Variants in AASS observed in about 807,000 individuals in gnomAD.
AASS encodes aminoadipate-semialdehyde synthase.
In AASS, 86 loss-of-function variants were observed where a neutral mutation model predicts 105.4. The ratio of observed to expected loss-of-function variants is 0.82; its 90% CI spans 0.69 to 0.98. AASS has a LOEUF of 0.98. AASS is among the 50% of genes least tolerant of loss of function. AASS has a pLI of 0.00. For synonymous variants in AASS, 381 were observed against 394.8 expected (o/e 0.96, Z 0.41); for missense variants, 1,048 against 1,143.2 (o/e 0.92, Z 1.20).
intron 3 of AASS, among the ~76,000 whole-genome samples, chr7:122,126,924 A>G (rs1450666799): frequency 2.0e-5 from 3 of 152,124 alleles, no homozygotes; most frequent in Non-Finnish European, 4.4e-5. Context: ...TGCATCATCC[A>G]TCTTTACATT....
At position 122,101,671 on chromosome 7, in the gene AASS, C is replaced by T. The variant is rs1273190060; in HGVS notation, c.1288G>A (p.Asp430Asn). The change falls in exon 12 of 24, where the codon GAC (aspartate) becomes AAC (asparagine). Residue 430 changes from aspartate (D) to asparagine (N), a missense_variant. Transcript: ENST00000417368. ...TGACTTTCAAGAGGCTGTGTCGCGT[C>T]TGATAATATCTGAAAGGAAAATGAG... ...YPYVEEMILS[D>N]ATQPLESQNF... 4 of 1,610,820 alleles carry T rather than the reference C, an allele frequency of 2.5e-6. No individual in the cohort carries two copies. The Admixed American group carries it at 6.7e-5, about 27-fold the overall frequency.
At chr7:122,111,098 A>G (rs1323126220) in intron 11 of AASS, among the ~76,000 whole-genome samples, 1 of 152,178 alleles carries the variant, frequency 6.6e-6, no homozygotes, top group African/African-American at 2.4e-5. Flanking sequence ...CCAATTCTCA[A>G]AGGAAAAGAC....
intron 4 of AASS, 98 bp from the exon 5 acceptor site, chr7:122,118,728 C>T: frequency 8.5e-7 from 1 of 1,171,238 alleles, no homozygotes; most frequent in Non-Finnish European, 1.3e-6. Flanking sequence ...CCTGCAGAAG[C>T]ACAGATCATG....
intron 18 of AASS, among the ~76,000 whole-genome samples, chr7:122,091,179 TAA>T (rs1182328948): frequency 2.6e-5 from 4 of 152,128 alleles, no homozygotes; most frequent in Admixed American, 2.6e-4. Context: ...TTTCTTATTG[TAA>T]AATAATGAAA....
chr7:122,121,010 A>G (rs1164867099), intron 4 of AASS, among the ~76,000 whole-genome samples: 1 of 152,162 alleles, frequency 6.6e-6, no homozygotes, highest in Non-Finnish European at 1.5e-5. Flanking sequence ...AACTATTGAT[A>G]TAGCTAAATT....
chr7:122,107,322 A>T (rs996589659), intron 11 of AASS, among the ~76,000 whole-genome samples: 3 of 152,188 alleles, frequency 2.0e-5, no homozygotes, highest in African/African-American at 7.2e-5. Flanking sequence ...TGTGGAAAGC[A>T]GTGTGGCAAT....
chr7:122,091,645 G>C, intron 18 of AASS, 58 bp downstream of exon 18: 1 of 1,611,796 alleles, frequency 6.2e-7, no homozygotes, highest in East Asian at 2.2e-5. Flanking sequence ...GGAGTATTTA[G>C]ACTGTCTCAG....
chr7:122,115,465 C>T (rs376500510), intron 8 of AASS, among the ~76,000 whole-genome samples: 1 of 152,034 alleles, frequency 6.6e-6, no homozygotes, highest in African/African-American at 2.4e-5. Flanking sequence ...TGTGTTCATT[C>T]TATAATGTAT....
Position 122,101,380 on chromosome 7 carries a change from C to A in AASS, c.1397G>T (p.Arg466Leu). Residue 466 changes from arginine (R) to leucine (L), a missense_variant, in exon 13 of 24, where the codon CGG becomes CTG. By Grantham distance (102) the Arg-to-Leu change is moderately radical. Transcript: ENST00000417368. ...TTTGAACAATACTTACCTGCTCTCCCGGAGTGTCTGGATATATTTATATTT... is the reference window on the plus strand; with the variant it reads ...TTTGAACAATACTTACCTGCTCTCCAGGAGTGTCTGGATATATTTATATTT... ...PDKYKYIQTL[R>L]ESRERAQSLS... is the part of the protein sequence containing the mutation. 6.2e-7 allele frequency: 1 copy of A among 1,607,702 alleles called. No individual in the cohort carries two copies. The highest frequency in any genetic ancestry group is 8.5e-7 in the Non-Finnish European group (1 of 1,174,848).
At chr7:122,098,046 C>T (rs1486239613) in intron 15 of AASS, among the ~76,000 whole-genome samples, 1 of 151,886 alleles carries the variant, frequency 6.6e-6, no homozygotes, top group Admixed American at 6.6e-5. Context: ...GCACAAATGA[C>T]TCTTGTAATC....
At chr7:122,135,944 T>C (rs13232727) in intron 1 of AASS, among the ~76,000 whole-genome samples, 6 of 152,218 alleles carry the variant, frequency 3.9e-5, no homozygotes, top group Non-Finnish European at 8.8e-5. Flanking sequence ...CTTAACAGTA[T>C]TCTACCCAAC....
At chr7:122,130,614 G>C (rs899528073) in intron 2 of AASS, among the ~76,000 whole-genome samples, 3 of 151,910 alleles carry the variant, frequency 2.0e-5, no homozygotes, top group African/African-American at 7.2e-5. Flanking sequence ...GTACATGGAA[G>C]CAACAGACAG....
rs1307952518 is a variant in AASS at position 122,116,770 on chromosome 7, GAGAA to G, written c.767-14_767-11del. 1.2e-6 allele frequency: 2 copies of G among 1,613,962 alleles called. No individual in the cohort carries two copies. Among genetic ancestry groups the G allele is most frequent in the Non-Finnish European group, 1.7e-6 (2 of 1,179,940 alleles). On this transcript the variant is annotated splice_polypyrimidine_tract_variant and intron_variant, in intron 7 of 23. Coordinates refer to ENST00000417368, the MANE Select transcript of AASS (RefSeq NM_005763.4). ...TACACTTTTCTGAGGTCTTGAAAAG[GAGAA>G]AGAAATTAGTAAAGTGGGTGACAAA...
At chr7:122,109,483 A>G (rs545356502) in intron 11 of AASS, among the ~76,000 whole-genome samples, 6 of 152,278 alleles carry the variant, frequency 3.9e-5, no homozygotes, top group African/African-American at 1.4e-4. Context: ...AAGCAAGCCC[A>G]GAAAGAAATC....
intron 2 of AASS, among the ~76,000 whole-genome samples, chr7:122,130,339 A>G (rs1397640760): frequency 1.3e-5 from 2 of 152,052 alleles, no homozygotes; most frequent in Non-Finnish European, 2.9e-5. Context: ...AAATACAAAG[A>G]GAGAAGTAAA....
At chr7:122,090,411 C>A (rs182194899) in intron 18 of AASS, among the ~76,000 whole-genome samples, 1 of 152,094 alleles carries the variant, frequency 6.6e-6, no homozygotes. Context: ...TTTTTAAACT[C>A]CCCTTGTAAT....
chr7:122,103,911 A>T lies in AASS; in HGVS notation c.1279-2231T>A, dbSNP rs569357195. Among the ~76,000 whole-genome samples the T allele has an allele frequency of 2.0e-5, 3 of 152,254 alleles. No homozygotes were observed. The South Asian group carries it at 6.2e-4, about 32-fold the overall frequency. On this transcript the variant is annotated intron_variant, in intron 11 of 23. Coordinates refer to ENST00000417368, the MANE Select transcript of AASS (RefSeq NM_005763.4). The stretch of plus-strand genomic sequence containing the variant: ...AAATAGTCTATTATAACTATAAGAC[A>T]TTTTATGTAAGCCTTGTGGTAACCA...
chr7:122,082,673 A>G (rs1226647384), intron 19 of AASS: 2 of 441,904 alleles, frequency 4.5e-6, no homozygotes, highest in Non-Finnish European at 7.9e-6. Flanking sequence ...TGCCTAGTCC[A>G]TGGTGAACAA....
At chr7:122,093,536 G>A in intron 15 of AASS, among the ~76,000 whole-genome samples, 1 of 152,156 alleles carries the variant, frequency 6.6e-6, no homozygotes, top group East Asian at 1.9e-4. Context: ...GGGGCCAGGT[G>A]CTGTGCCTCA....
Sources: gnomAD v4.1 joint callset for allele counts (sites outside exome capture counted in the v4.1 genomes callset) on GRCh38, gnomAD v4.1.1 for gene constraint, MANE v1.5 for transcripts, NCBI Gene and HGNC (gene_info 2026-07-23, HGNC 2026-07-21) for gene names.